The following MBD5 variants were observed in gnomAD, a reference collection of about 807,000 sequenced individuals.
MBD5 encodes the protein methyl-CpG binding domain protein 5.
MBD5 carries 13 observed loss-of-function variants against 117.3 expected under a neutral mutation model. That is an observed-to-expected ratio of 0.11 (90% CI 0.07 to 0.18). The LOEUF (loss-of-function observed/expected upper bound fraction) is 0.18. Among genes scored for constraint, MBD5 ranks in the 10% least tolerant of loss-of-function variants. The pLI, the probability that MBD5 is intolerant of heterozygous loss-of-function variation, is 1.00. For synonymous variants in MBD5, 727 were observed against 766.4 expected (o/e 0.95, Z 0.85); for missense variants, 1,879 against 2,093.8 (o/e 0.90, Z 2.00).
chr2:148,110,768 C>A (rs989836417), intron 1 of MBD5, among the ~76,000 whole-genome samples: 5 of 151,512 alleles, frequency 3.3e-5, no homozygotes, highest in African/African-American at 1.2e-4. Flanking sequence ...ATTGTCTTAC[C>A]TTTTTCTTTT....
At chr2:148,048,419 T>A (rs1225391506) in intron 1 of MBD5, among the ~76,000 whole-genome samples, 2 of 152,180 alleles carry the variant, frequency 1.3e-5, no homozygotes, top group Non-Finnish European at 2.9e-5. Flanking sequence ...TATAGTTTAG[T>A]GAGGATATGC....
At chr2:148,238,034 T>G (rs1031526358) in intron 3 of MBD5, among the ~76,000 whole-genome samples, 27 of 152,220 alleles carry the variant, frequency 1.8e-4, no homozygotes, top group Admixed American at 8.5e-4. Context: ...TGTAATTCAA[T>G]AAACAGATGA....
At chr2:148,391,364 C>T (rs1704566071) in intron 4 of MBD5, among the ~76,000 whole-genome samples, 2 of 152,044 alleles carry the variant, frequency 1.3e-5, no homozygotes, top group Non-Finnish European at 2.9e-5. Flanking sequence ...GTTTAATTTG[C>T]AGCTATATTT....
intron 4 of MBD5, among the ~76,000 whole-genome samples, chr2:148,380,222 A>C (rs1237611192): frequency 6.6e-6 from 1 of 152,234 alleles, no homozygotes; most frequent in African/African-American, 2.4e-5. Flanking sequence ...GCCTCTGAAT[A>C]TATAAAATTC....
At chr2:148,113,633 G>A (rs1328267057) in intron 1 of MBD5, among the ~76,000 whole-genome samples, 1 of 152,168 alleles carries the variant, frequency 6.6e-6, no homozygotes, top group Non-Finnish European at 1.5e-5. Flanking sequence ...AAGTTAATCA[G>A]TAGGACAGAA....
At chr2:148,507,177 T>C (rs1270107671) in intron 12 of MBD5, among the ~76,000 whole-genome samples, 1 of 152,250 alleles carries the variant, frequency 6.6e-6, no homozygotes, top group Non-Finnish European at 1.5e-5. Flanking sequence ...TCTTGAAGAA[T>C]GAGATGACAA....
intron 5 of MBD5, chr2:148,460,104 T>C (rs550568402): frequency 3.9e-5 from 6 of 152,324 alleles, no homozygotes; most frequent in African/African-American, 1.4e-4. Flanking sequence ...CTGTGTTATA[T>C]GTTTATACTT....
At chr2:148,465,612 G>C (rs1248155890) in intron 7 of MBD5, among the ~76,000 whole-genome samples, 1 of 152,116 alleles carries the variant, frequency 6.6e-6, no homozygotes, top group Non-Finnish European at 1.5e-5. Flanking sequence ...AGACATATAA[G>C]AGGGATAGGA....
chr2:148,072,633 A>C (rs1320246577), intron 1 of MBD5, among the ~76,000 whole-genome samples: 1 of 152,178 alleles, frequency 6.6e-6, no homozygotes, highest in East Asian at 1.9e-4. Context: ...GGCACATGTG[A>C]ATTAATTGTT....
chr2:148,150,724 A>G (rs1283057507), intron 1 of MBD5, among the ~76,000 whole-genome samples: 2 of 152,086 alleles, frequency 1.3e-5, no homozygotes, highest in Non-Finnish European at 2.9e-5. Context: ...GAGTTCCCTC[A>G]TGATTTGGCT....
chr2:148,401,329 G>C (rs997243034), intron 4 of MBD5, among the ~76,000 whole-genome samples: 3 of 151,772 alleles, frequency 2.0e-5, no homozygotes, highest in Non-Finnish European at 2.9e-5. Flanking sequence ...TTTATAATTT[G>C]AGGTCTCCAC....
chr2:148,060,132 CAAAAAAAA>C (rs35925701), intron 1 of MBD5, among the ~76,000 whole-genome samples: 15 of 14,044 alleles, frequency 1.1e-3, no homozygotes, highest in African/African-American at 3.1e-3. Flanking sequence ...ACAAAAAGTG[CAAAAAAAA>C]AAAAAAAAAA....
intron 2 of MBD5, among the ~76,000 whole-genome samples, chr2:148,207,204 A>G (rs1339221762): frequency 6.6e-6 from 1 of 152,170 alleles, no homozygotes; most frequent in Non-Finnish European, 1.5e-5. Context: ...TAAATGGGCT[A>G]GCATTATCTT....
At chr2:148,293,080 A>C (rs1452556839) in intron 3 of MBD5, among the ~76,000 whole-genome samples, 2 of 150,594 alleles carry the variant, frequency 1.3e-5, no homozygotes, top group African/African-American at 4.9e-5. Flanking sequence ...TGAGAAGCCA[A>C]GGTCAGGTGG....
chr2:148,411,499 A>G (rs557908930), intron 4 of MBD5, among the ~76,000 whole-genome samples: 1 of 140,912 alleles, frequency 7.1e-6, no homozygotes, highest in South Asian at 2.3e-4. Flanking sequence ...CCGGGAACTT[A>G]CCAGCATCTG....
At chr2:148,206,555 C>T (rs1347953973) in intron 2 of MBD5, among the ~76,000 whole-genome samples, 1 of 152,062 alleles carries the variant, frequency 6.6e-6, no homozygotes, top group Non-Finnish European at 1.5e-5. Flanking sequence ...GAACTTATTC[C>T]TTCTATCTAA....
intron 3 of MBD5, among the ~76,000 whole-genome samples, chr2:148,261,103 C>T (rs1700720893): frequency 6.6e-6 from 1 of 152,114 alleles, no homozygotes; most frequent in African/African-American, 2.4e-5. Flanking sequence ...TTTGTTATTC[C>T]ATTTATAGAG....
chr2:148,466,837 C>G (rs1707277077), intron 7 of MBD5, among the ~76,000 whole-genome samples: 1 of 152,150 alleles, frequency 6.6e-6, no homozygotes, highest in African/African-American at 2.4e-5. Flanking sequence ...CATTCTCTTA[C>G]TAATTGAATG....
chr2:148,092,776 A>T (rs931182064), intron 1 of MBD5, among the ~76,000 whole-genome samples: 5 of 150,962 alleles, frequency 3.3e-5, no homozygotes, highest in African/African-American at 1.2e-4. Flanking sequence ...TTTTCTATGC[A>T]ACCAAACACC....
Sources: gnomAD v4.1 joint callset for allele counts (sites outside exome capture counted in the v4.1 genomes callset) on GRCh38, gnomAD v4.1.1 for gene constraint, MANE v1.5 for transcripts, NCBI Gene and HGNC (gene_info 2026-07-23, HGNC 2026-07-21) for gene names.